Variants in GNG7 observed in about 807,000 individuals in gnomAD.
The protein encoded by GNG7 is guanine nucleotide-binding protein G(I)/G(S)/G(O) subunit gamma-7.
In GNG7, 1 loss-of-function variant was observed where a neutral mutation model predicts 4.0. The observed-to-expected ratio is 0.25, with a 90% CI of 0.09 to 1.18. GNG7 has a LOEUF of 1.18. Among genes scored for constraint, GNG7 ranks in the 50% most tolerant of loss-of-function variants. GNG7 has a pLI of 0.50. For synonymous variants in GNG7, 34 were observed against 36.9 expected (o/e 0.92, Z 0.29); for missense variants, 86 against 91.9 (o/e 0.94, Z 0.26).
intron 1 of GNG7, among the ~76,000 whole-genome samples, chr19:2,667,741 C>T (rs576830870): frequency 6.6e-6 from 1 of 152,232 alleles, no homozygotes; most frequent in East Asian, 1.9e-4. Flanking sequence ...ATGGTGAAAC[C>T]CCGTCTCTAC....
rs1312889469 is a variant in GNG7, at chr19:2,657,345, AAAAAAAAAAAAAAAAAATATAT to A, written c.-134-11087_-134-11066del. On this transcript the variant is annotated intron_variant, in intron 1 of 4. Coordinates refer to ENST00000382159, the MANE Select transcript of GNG7 (RefSeq NM_052847.3). ...CAAGACCCCGTCTCAATTAAAAAAA[AAAAAAAAAAAAAAAAAATATAT>A]ATATATATATATATATATATATATA... Among the ~76,000 whole-genome samples the A allele has an allele frequency of 2.4e-3, 44 of 18,234 alleles. 3 individuals carry two copies. The highest frequency in any genetic ancestry group is 9.4e-3 in the South Asian group (7 of 742). The allele number at this position is 18,234 out of a possible 152,430, so 12.0% of individuals were successfully genotyped here.
chr19:2,668,911 A>G (rs1983380956), intron 1 of GNG7, among the ~76,000 whole-genome samples: 1 of 152,076 alleles, frequency 6.6e-6, no homozygotes, highest in South Asian at 2.1e-4. Context: ...CTCAACCGCA[A>G]ATGTCCCCAG....
intron 1 of GNG7, among the ~76,000 whole-genome samples, chr19:2,646,956 G>C (rs1196520484): frequency 6.6e-6 from 1 of 152,162 alleles, no homozygotes; most frequent in Non-Finnish European, 1.5e-5. Flanking sequence ...GTCTGCCCAG[G>C]ACTTTTCCAG....
rs901489717 is a variant in GNG7, at chr19:2,568,923, A to C, written c.-77-13735T>G. Among the ~76,000 whole-genome samples, 22 of 152,258 alleles carry C rather than the reference A, an allele frequency of 1.4e-4. 1 individual carries two copies. Among genetic ancestry groups the C allele is most frequent in the Non-Finnish European group, 7.4e-5 (5 of 68,004 alleles). On this transcript the variant is annotated intron_variant, in intron 2 of 4. Coordinates refer to ENST00000382159, the MANE Select transcript of GNG7 (RefSeq NM_052847.3). ...ATCCACACTATACACATATACATAC[A>C]TATACAAATATACAAATACACACAA... is the stretch of plus-strand genomic sequence containing the variant.
intron 1 of GNG7, among the ~76,000 whole-genome samples, chr19:2,694,239 G>T (rs569768066): frequency 1.3e-5 from 2 of 151,666 alleles, no homozygotes; most frequent in African/African-American, 2.4e-5. Flanking sequence ...TTTTTTTTGG[G>T]GGGGGGCAGG....
intron 2 of GNG7, among the ~76,000 whole-genome samples, chr19:2,586,435 G>A (rs1450390261): frequency 2.6e-5 from 4 of 152,192 alleles, no homozygotes; most frequent in East Asian, 3.9e-4. Flanking sequence ...CTGGGATGGC[G>A]CGTCTGGCTT....
At chr19:2,595,977 C>T (rs1056533695) in intron 2 of GNG7, among the ~76,000 whole-genome samples, 4 of 152,068 alleles carry the variant, frequency 2.6e-5, no homozygotes, top group Non-Finnish European at 4.4e-5. Flanking sequence ...CCAGCTCTCA[C>T]GGCGACTCTA....
At position 2,626,737 on chromosome 19, in the gene GNG7, C is replaced by T. The variant is rs1197896761; in HGVS notation, c.-78+19487G>A. ...CCCCTCAGGGGACACTGGGCGGTGT[C>T]GGGGGACATCTGTAATTGTCATGAC... is the stretch of plus-strand genomic sequence containing the variant. On this transcript the variant is annotated intron_variant, in intron 2 of 4. Coordinates refer to ENST00000382159, the MANE Select transcript of GNG7 (RefSeq NM_052847.3). This position sits in a 1 kb window ranked among gnomAD's most constrained non-coding sequence, Gnocchi z 5.0. Among the ~76,000 whole-genome samples the T allele has an allele frequency of 6.6e-6, 1 of 152,126 alleles. No homozygotes were observed. Among genetic ancestry groups the T allele is most frequent in the Non-Finnish European group, 1.5e-5 (1 of 68,010 alleles).
chr19:2,578,012 A>T (rs1368508933), intron 2 of GNG7, among the ~76,000 whole-genome samples: 2 of 151,070 alleles, frequency 1.3e-5, no homozygotes, highest in East Asian at 3.9e-4. Flanking sequence ...TAATTCTTTT[A>T]TTTTTTTGTA....
intron 2 of GNG7, among the ~76,000 whole-genome samples, chr19:2,560,111 C>G (rs1162046535): frequency 6.6e-6 from 1 of 151,318 alleles, no homozygotes; most frequent in Non-Finnish European, 1.5e-5. Context: ...GTCCATGACT[C>G]TAATTTCTTG....
intron 2 of GNG7, among the ~76,000 whole-genome samples, chr19:2,620,260 G>GGGAGA (rs1981833225): frequency 1.5e-5 from 2 of 134,986 alleles, no homozygotes; most frequent in South Asian, 4.8e-4. Flanking sequence ...GGGAGGGGAG[G>GGGAGA]GGAGAGGAGA....
At chr19:2,676,765 T>C (rs2144894510) in intron 1 of GNG7, among the ~76,000 whole-genome samples, 1 of 151,696 alleles carries the variant, frequency 6.6e-6, no homozygotes. Flanking sequence ...CAGATGGAGG[T>C]TCAGGAGCTT....
At chr19:2,605,835 T>C (rs1392840235) in intron 2 of GNG7, among the ~76,000 whole-genome samples, 1 of 152,000 alleles carries the variant, frequency 6.6e-6, no homozygotes, top group East Asian at 1.9e-4. Flanking sequence ...TATAAGGACA[T>C]TTGTAATTGT....
intron 1 of GNG7, among the ~76,000 whole-genome samples, chr19:2,668,131 G>T (rs759877672): frequency 7.3e-5 from 11 of 151,618 alleles, no homozygotes; most frequent in Non-Finnish European, 1.2e-4. Context: ...GAATACTAAG[G>T]AAAATTGGGT....
intron 1 of GNG7, among the ~76,000 whole-genome samples, chr19:2,690,110 G>A (rs1395551312): frequency 6.6e-6 from 1 of 151,984 alleles, no homozygotes; most frequent in Non-Finnish European, 1.5e-5. Flanking sequence ...GGCCGGGCAC[G>A]GTGGCTCACG....
chr19:2,681,241 T>A (rs1169850956), intron 1 of GNG7, among the ~76,000 whole-genome samples: 1 of 152,060 alleles, frequency 6.6e-6, no homozygotes, highest in Non-Finnish European at 1.5e-5. Flanking sequence ...TGGAATGCAG[T>A]GGCACGATCT....
chr19:2,667,618 A>C (rs1983343011), intron 1 of GNG7, among the ~76,000 whole-genome samples: 1 of 152,034 alleles, frequency 6.6e-6, no homozygotes, highest in African/African-American at 2.4e-5. Context: ...TCTCTACAAA[A>C]ATAATTTAAA....
intron 2 of GNG7, among the ~76,000 whole-genome samples, chr19:2,631,550 G>A (rs1044767061): frequency 6.6e-6 from 1 of 152,170 alleles, no homozygotes; most frequent in Admixed American, 6.6e-5. Flanking sequence ...ACAGGAAGTG[G>A]AACAGAGAAC....
chr19:2,664,890 A>G (rs2144882745), intron 1 of GNG7, among the ~76,000 whole-genome samples: 1 of 152,210 alleles, frequency 6.6e-6, no homozygotes, highest in Non-Finnish European at 1.5e-5. Flanking sequence ...TCAAGTTGTG[A>G]CAACGACAAA....
Sources: gnomAD v4.1 joint callset for allele counts (sites outside exome capture counted in the v4.1 genomes callset) on GRCh38, gnomAD v4.1.1 for gene constraint, Gnocchi (gnomAD v3.1) non-coding constraint, MANE v1.5 for transcripts, NCBI Gene and HGNC (gene_info 2026-07-23, HGNC 2026-07-21) for gene names.